TARBP1: variants seen among roughly 807,000 people sequenced by gnomAD.
TARBP1 encodes the protein tRNA (guanosine(18)-2'-O)-methyltransferase TARBP1.
A neutral mutation model predicts 178.6 loss-of-function variants in TARBP1; 144 were observed. The observed-to-expected ratio is 0.81, with a 90% confidence interval of 0.70 to 0.93. The LOEUF (loss-of-function observed/expected upper bound fraction) is 0.93. Ranked by LOEUF, TARBP1 falls within the 40% of genes least tolerant of loss-of-function variation. The pLI is 0.00. For missense variants in TARBP1, 2,067 were observed against 2,011.7 expected, an observed-to-expected ratio of 1.03 and a Z score of -0.53; for synonymous variants, 787 against 781.0, an observed-to-expected ratio of 1.01 and a Z score of -0.13.
At chr1:234,395,477 C>T (rs1354008638) in intron 26 of TARBP1, among the ~76,000 whole-genome samples, 1 of 152,062 alleles carries the variant, frequency 6.6e-6, no homozygotes. Flanking sequence ...GACTGGGTAA[C>T]GGATGTGGCA....
chr1:234,461,845 AC>A lies in TARBP1; in HGVS notation c.1400-1450del, dbSNP rs1198982002. Among the ~76,000 whole-genome samples, 9 of 152,208 alleles carry A rather than the reference AC, an allele frequency of 5.9e-5. No homozygotes were observed. In the East Asian group the frequency reaches 1.5e-3, roughly 26 times the overall value. On this transcript the variant is annotated intron_variant, in intron 6 of 29. Coordinates refer to ENST00000040877, the MANE Select transcript of TARBP1 (RefSeq NM_005646.4). Reference sequence around the variant, plus strand: ...TCTGCTAATCTGTGATTTCTTAAGGACCCTCATCTCATGTAGTTAGTGAAAA... The same window carrying A: ...TCTGCTAATCTGTGATTTCTTAAGGACCTCATCTCATGTAGTTAGTGAAAA...
At chr1:234,460,958 T>C (rs1667796757) in intron 6 of TARBP1, among the ~76,000 whole-genome samples, 1 of 152,208 alleles carries the variant, frequency 6.6e-6, no homozygotes, top group African/African-American at 2.4e-5. Flanking sequence ...ATTGTATGAT[T>C]CCACTGACAT....
chr1:234,401,328 T>C, intron 24 of TARBP1, 66 bp from the exon 25 acceptor site: 2 of 1,243,892 alleles, frequency 1.6e-6, no homozygotes, highest in Middle Eastern at 1.9e-4. Flanking sequence ...GGAGAATCAA[T>C]TCAGTATCTT....
At chr1:234,417,260 G>A (rs1662529965) in intron 22 of TARBP1, among the ~76,000 whole-genome samples, 1 of 152,180 alleles carries the variant, frequency 6.6e-6, no homozygotes. Context: ...TGATAGCTGG[G>A]TGGAGGAAAA....
chr1:234,406,645 G>A lies in TARBP1; in HGVS notation c.3793-546C>T, dbSNP rs367881512. On this transcript the variant is annotated intron_variant, in intron 23 of 29. Transcript: ENST00000040877. ...AGTAGTGGCAGGAAAATTAAGAAAT[G>A]AGGGGGAAAATAATAAAACTGTTTA... 3 of 152,330 alleles carry A rather than the reference G, an allele frequency of 2.0e-5. No homozygotes were observed. In the East Asian group the frequency reaches 5.8e-4, roughly 29 times the overall value. 9.4% of individuals were successfully genotyped at this position (152,330 alleles called of 1,614,324 possible). A position where few individuals can be genotyped will look rare whatever the true frequency, so the allele number is the denominator to read the frequency against.
rs115771613 is a variant in TARBP1 at position 234,423,053 on chromosome 1, T to G, written c.3445-2241A>C. ...AGACTGGGGGCAGGGCCTAGGAATA[T>G]GCATTTCTAACAAGTTCCCAGGGAT... On this transcript the variant is annotated intron_variant, in intron 20 of 29. Coordinates refer to ENST00000040877, the MANE Select transcript of TARBP1 (RefSeq NM_005646.4). 2.3e-3 allele frequency among the ~76,000 whole-genome samples: 352 copies of G among 152,320 alleles called. 3 individuals are homozygous for G. Among genetic ancestry groups the G allele is most frequent in the African/African-American group, 7.9e-3 (327 of 41,568 alleles).
At chr1:234,423,051 T>C (rs1663292994) in intron 20 of TARBP1, among the ~76,000 whole-genome samples, 1 of 152,226 alleles carries the variant, frequency 6.6e-6, no homozygotes, top group South Asian at 2.1e-4. Context: ...GGCCTAGGAA[T>C]ATGCATTTCT....
In TARBP1 at chr1:234,429,488, T is replaced by C; in HGVS notation, c.2799A>G (p.Leu933=). The C allele has an allele frequency of 6.2e-7, 1 of 1,614,202 alleles. No homozygotes were observed. The highest frequency in any genetic ancestry group is 8.5e-7 in the Non-Finnish European group (1 of 1,180,030). The change falls in exon 16 of 30, where the codon CTA becomes CTG. Residue 933 remains leucine (L), a synonymous_variant. Coordinates refer to ENST00000040877, the MANE Select transcript of TARBP1 (RefSeq NM_005646.4). The stretch of plus-strand genomic sequence containing the variant: ...CAGAAGAAAGAACTGTGAGGGCTTC[T>C]AGTGCAGACTGCAAAGTCCTTATTG... The part of the protein sequence containing the change: ...QMPIRTLQSA[L]EALTVLSSDQ...
Position 234,455,060 on chromosome 1 carries a change from A to G in TARBP1, c.1722+2607T>C, listed in dbSNP as rs368642758. 1.8e-4 allele frequency among the ~76,000 whole-genome samples: 27 copies of G among 152,304 alleles called. No individual in the cohort carries two copies. In the East Asian group the frequency reaches 3.1e-3, roughly 17 times the overall value. On this transcript the variant is annotated intron_variant, in intron 9 of 29. Transcript: ENST00000040877. ...GAAAGGACCATGAGCCGAGAAATGC[A>G]AGCAATACAGCTCCAGAAGATGAGG...
rs536154285 is a variant in TARBP1, at chr1:234,409,380, T to C, written c.3792+1065A>G. On this transcript the variant is annotated intron_variant, in intron 23 of 29. Coordinates refer to ENST00000040877, the MANE Select transcript of TARBP1 (RefSeq NM_005646.4). ...GTCTAAACTATTCTTAGGCTATTCATCTACCCCGCAACAGGACAATGTCTG... is the reference window on the plus strand; with the variant it reads ...GTCTAAACTATTCTTAGGCTATTCACCTACCCCGCAACAGGACAATGTCTG... 1.3e-4 allele frequency among the ~76,000 whole-genome samples: 20 copies of C among 152,370 alleles called. No homozygotes were observed. In the East Asian group the frequency reaches 3.7e-3, roughly 28 times the overall value.
Position 234,410,492 on chromosome 1 carries a change from C to T in TARBP1, c.3745G>A (p.Ala1249Thr). Residue 1249 changes from alanine to threonine, a missense_variant, in exon 23 of 30, where the codon GCA becomes ACA. Ala to Thr is a moderately conservative substitution (Grantham distance 58). Transcript: ENST00000040877. ...ATAATGTCTAAATGTGATAAAACTG[C>T]TAAAAACGTACAAATGCTTGTTTTA... is the stretch of plus-strand genomic sequence containing the variant. ...NLKTSICTFL[A>T]VLSHLDIITQ... 1 of 1,528,416 alleles carries T rather than the reference C, an allele frequency of 6.5e-7. No homozygotes were observed. The highest frequency in any genetic ancestry group is 1.2e-5 in the South Asian group (1 of 85,846). The allele number at this position is 1,528,416 out of a possible 1,614,324, so 94.7% of individuals were successfully genotyped here.
At chr1:234,455,788 AG>A (rs1458390453) in intron 9 of TARBP1, among the ~76,000 whole-genome samples, 3 of 152,198 alleles carry the variant, frequency 2.0e-5, no homozygotes, top group African/African-American at 7.2e-5. Flanking sequence ...TATTTGCAGT[AG>A]GTATAACAAC....
intron 1 of TARBP1, among the ~76,000 whole-genome samples, chr1:234,473,033 T>C (rs1351061202): frequency 6.6e-6 from 1 of 152,064 alleles, no homozygotes; most frequent in African/African-American, 2.4e-5. Context: ...AATGGCAGAT[T>C]TGCACATATA....
intron 9 of TARBP1, among the ~76,000 whole-genome samples, chr1:234,450,789 ATATG>A (rs1482471094): frequency 2.0e-5 from 3 of 152,102 alleles, no homozygotes; most frequent in African/African-American, 7.2e-5. Flanking sequence ...TGTGATATAT[ATATG>A]TGAGATATAT....
intron 29 of TARBP1, 97 bp from the exon 30 acceptor site, chr1:234,391,842 C>A: frequency 7.9e-7 from 1 of 1,261,134 alleles, no homozygotes; most frequent in Non-Finnish European, 1.1e-6. Flanking sequence ...TTATTTTTCT[C>A]TTTGATATTC....
Position 234,391,931 on chromosome 1 carries a change from G to A in TARBP1, c.4698-186C>T, listed in dbSNP as rs574264496. On this transcript the variant is annotated intron_variant, in intron 29 of 29. Transcript: ENST00000040877. ...AAATAAATAAGAGTGTAAAAAAAAAGACTGATGGGTCAATTCCATGTTCAG... is the reference window on the plus strand; with the variant it reads ...AAATAAATAAGAGTGTAAAAAAAAAAACTGATGGGTCAATTCCATGTTCAG... 6.9e-4 allele frequency among the ~76,000 whole-genome samples: 105 copies of A among 152,172 alleles called. 2 individuals are homozygous for A. In the Middle Eastern group the frequency reaches 0.027, roughly 39 times the overall value.
chr1:234,400,488 C>CA (rs1274682491), intron 25 of TARBP1, among the ~76,000 whole-genome samples: 1 of 151,820 alleles, frequency 6.6e-6, no homozygotes, highest in African/African-American at 2.4e-5. Context: ...AGTAATCCAC[C>CA]AAAAAAATTG....
At chr1:234,442,606 C>G (rs1406945927) in intron 12 of TARBP1, among the ~76,000 whole-genome samples, 1 of 152,150 alleles carries the variant, frequency 6.6e-6, no homozygotes, top group Non-Finnish European at 1.5e-5. Flanking sequence ...AAACAGAATA[C>G]TCTTGTCTTG....
chr1:234,435,426 G>A (rs1028286043), intron 13 of TARBP1, among the ~76,000 whole-genome samples: 6 of 152,180 alleles, frequency 3.9e-5, no homozygotes, highest in African/African-American at 1.4e-4. Context: ...AGGTTGCAGT[G>A]GGCCGACATC....
Sources: gnomAD v4.1 joint callset for allele counts (sites outside exome capture counted in the v4.1 genomes callset) on GRCh38, gnomAD v4.1.1 for gene constraint, MANE v1.5 for transcripts, NCBI Gene and HGNC (gene_info 2026-07-23, HGNC 2026-07-21) for gene names.